The following MYO16 variants were observed in gnomAD, a reference collection of about 807,000 sequenced individuals.
MYO16 encodes myosin XVI.
MYO16 carries 94 observed loss-of-function variants against 205.3 expected under a neutral mutation model. That is an observed-to-expected ratio of 0.46 (90% CI 0.39 to 0.54). The LOEUF (loss-of-function observed/expected upper bound fraction) is 0.54. Ranked by LOEUF, MYO16 falls within the 20% of genes least tolerant of loss-of-function variation. The probability of loss-of-function intolerance (pLI) is 0.00; values close to 1 mark genes in which losing one functional copy is unlikely to be tolerated. For synonymous variants in MYO16, 988 were observed against 954.0 expected (o/e 1.04, Z -0.66); for missense variants, 2,315 against 2,387.5 (o/e 0.97, Z 0.63).
chr13:108,714,314 C>G (rs777621599), intron 3 of MYO16, among the ~76,000 whole-genome samples: 4 of 152,192 alleles, frequency 2.6e-5, no homozygotes, highest in Non-Finnish European at 5.9e-5. Context: ...CTTGGCCTCC[C>G]GAAGTGCTGG....
At position 108,945,933 on chromosome 13, in the gene MYO16, G is replaced by C. The variant is rs148085526; in HGVS notation, c.1926-11755G>C. 2.0e-4 allele frequency among the ~76,000 whole-genome samples: 31 copies of C among 152,250 alleles called. No homozygotes were observed. The East Asian group carries it at 5.6e-3, about 28-fold the overall frequency. Reference sequence around the variant, plus strand: ...TGTTTCTAATTAACATGTCAGAAAGGTGTTTAGCATGCTTCCCCCATGATA... The same window carrying C: ...TGTTTCTAATTAACATGTCAGAAAGCTGTTTAGCATGCTTCCCCCATGATA... On this transcript the variant is annotated intron_variant, in intron 16 of 34. Coordinates refer to ENST00000457511, the MANE Select transcript of MYO16 (RefSeq NM_001198950.3).
At chr13:108,594,024 T>C (rs1334682308), upstream of MYO16, among the ~76,000 whole-genome samples, 2 of 152,134 alleles carry the variant, frequency 1.3e-5, no homozygotes, top group Non-Finnish European at 2.9e-5. Flanking sequence ...AAGACCCCTC[T>C]GTAACATATG....
chr13:108,496,244 C>G, the MYO16 span, among the ~76,000 whole-genome samples: 1 of 152,202 alleles, frequency 6.6e-6, no homozygotes, highest in East Asian at 1.9e-4. Flanking sequence ...CTGGACCTAC[C>G]CCAGAAGGAG....
the MYO16 span, among the ~76,000 whole-genome samples, chr13:108,562,616 C>A: frequency 6.6e-6 from 1 of 152,110 alleles, no homozygotes; most frequent in South Asian, 2.1e-4. Flanking sequence ...ATGATTTTGG[C>A]ATAGATACAG....
Position 109,125,474 on chromosome 13 carries a change from C to G in MYO16, c.3782+116C>G. Reference sequence around the variant, plus strand: ...TCAAATATGACAGGAGTTGCAGGAACAGGCATGCGTGGTTTGTTATTCGAA... The same window carrying G: ...TCAAATATGACAGGAGTTGCAGGAAGAGGCATGCGTGGTTTGTTATTCGAA... On this transcript the variant is annotated intron_variant, in intron 30 of 34. Transcript: ENST00000457511. This position sits in a 1 kb window ranked among gnomAD's most constrained non-coding sequence, Gnocchi z 4.0. 1.5e-6 allele frequency: 2 copies of G among 1,370,252 alleles called. No homozygotes were observed. The highest frequency in any genetic ancestry group is 1.0e-6 in the Non-Finnish European group (1 of 1,000,398). 84.9% of individuals were successfully genotyped at this position (1,370,252 alleles called of 1,614,324 possible). A position where few individuals can be genotyped will look rare whatever the true frequency, so the allele number is the denominator to read the frequency against.
the MYO16 span, among the ~76,000 whole-genome samples, chr13:108,548,404 T>C: frequency 6.9e-6 from 1 of 144,756 alleles, no homozygotes; most frequent in African/African-American, 2.6e-5. Flanking sequence ...GTGAGGATGA[T>C]AGTGGTGGTG....
At chr13:108,572,651 G>T in the MYO16 span, among the ~76,000 whole-genome samples, 1 of 152,092 alleles carries the variant, frequency 6.6e-6, no homozygotes, top group South Asian at 2.1e-4. Flanking sequence ...AAAATGTCAA[G>T]TTCCTTTATC....
At chr13:109,142,792 G>C (rs948741843) in intron 32 of MYO16, among the ~76,000 whole-genome samples, 1 of 152,060 alleles carries the variant, frequency 6.6e-6, no homozygotes, top group African/African-American at 2.4e-5. Context: ...AAACCTCTAG[G>C]GGGTATTTGG....
At chr13:108,578,936 A>C in the MYO16 span, among the ~76,000 whole-genome samples, 1 of 149,674 alleles carries the variant, frequency 6.7e-6, no homozygotes, top group African/African-American at 2.4e-5. Context: ...TTATATAATA[A>C]ATACATATTT....
At chr13:108,887,531 T>C (rs1022344892) in intron 13 of MYO16, among the ~76,000 whole-genome samples, 1 of 152,180 alleles carries the variant, frequency 6.6e-6, no homozygotes, top group African/African-American at 2.4e-5. Flanking sequence ...ATGTCAATCC[T>C]ATATCATATA....
At chr13:108,620,894 A>T (rs1477805037) in intron 1 of MYO16, among the ~76,000 whole-genome samples, 1 of 152,154 alleles carries the variant, frequency 6.6e-6, no homozygotes, top group African/African-American at 2.4e-5. Context: ...TTGTCTCTAT[A>T]TGACTCATGA....
the MYO16 span, among the ~76,000 whole-genome samples, chr13:108,517,047 T>C: frequency 6.6e-6 from 1 of 152,160 alleles, no homozygotes; most frequent in Non-Finnish European, 1.5e-5. Flanking sequence ...CCTCCCACCT[T>C]ACCTTCTGAG....
At position 108,619,056 on chromosome 13, in the gene MYO16, T is replaced by A. The variant is rs190681872; in HGVS notation, c.-39+22817T>A. Among the ~76,000 whole-genome samples the A allele has an allele frequency of 1.3e-3, 199 of 152,270 alleles. 1 individual carries two copies. Among genetic ancestry groups the A allele is most frequent in the African/African-American group, 4.5e-3 (186 of 41,554 alleles). ...TTCCTGTTTTTGGATTTTATGTAAA[T>A]AAACAGAGTCATAAATTTGACACTC... is the stretch of plus-strand genomic sequence containing the variant. On this transcript the variant is annotated intron_variant, in intron 1 of 24. Transcript: ENST00000251041.
intron 1 of MYO16, among the ~76,000 whole-genome samples, chr13:108,602,434 G>A (rs578234983): frequency 2.6e-5 from 4 of 152,214 alleles, no homozygotes; most frequent in East Asian, 3.9e-4. Flanking sequence ...AACATGTGTA[G>A]ATTTTTAAGA....
the MYO16 span, among the ~76,000 whole-genome samples, chr13:108,578,444 A>G: frequency 6.6e-6 from 1 of 152,236 alleles, no homozygotes; most frequent in Non-Finnish European, 1.5e-5. Flanking sequence ...GCAGTGCCAG[A>G]TGTCCATTTG....
At chr13:108,580,716 C>T in the MYO16 span, among the ~76,000 whole-genome samples, 918 of 152,260 alleles carry the variant, frequency 6.0e-3, 13 homozygotes, top group African/African-American at 0.021. Context: ...AAGTGGAATG[C>T]CCCATTTGCC....
intron 14 of MYO16, among the ~76,000 whole-genome samples, chr13:108,894,103 C>A (rs1283482502): frequency 6.6e-6 from 1 of 152,124 alleles, no homozygotes; most frequent in Non-Finnish European, 1.5e-5. Flanking sequence ...TACATGATGG[C>A]AGGAGAGAGA....
intron 28 of MYO16, among the ~76,000 whole-genome samples, chr13:109,110,785 C>T (rs1256262440): frequency 1.3e-5 from 2 of 152,106 alleles, no homozygotes; most frequent in Non-Finnish European, 2.9e-5. Flanking sequence ...AGAAATTTAA[C>T]GAATGAAATG....
At chr13:108,765,151 C>T (rs566955206) in intron 4 of MYO16, among the ~76,000 whole-genome samples, 7 of 150,578 alleles carry the variant, frequency 4.6e-5, no homozygotes, top group African/African-American at 1.7e-4. Flanking sequence ...TCATGCATAT[C>T]TGTATAGCCT....
Sources: gnomAD v4.1 joint callset for allele counts (sites outside exome capture counted in the v4.1 genomes callset) on GRCh38, gnomAD v4.1.1 for gene constraint, Gnocchi (gnomAD v3.1) non-coding constraint, MANE v1.5 for transcripts, NCBI Gene and HGNC (gene_info 2026-07-23, HGNC 2026-07-21) for gene names.